The following SRRM1 variants were observed in gnomAD, a reference collection of about 807,000 sequenced individuals.
SRRM1 encodes serine/arginine repetitive matrix protein 1.
SRRM1 carries 19 observed loss-of-function variants against 110.2 expected under a neutral mutation model. That is an observed-to-expected ratio of 0.17 (90% confidence interval 0.12 to 0.25). The LOEUF (loss-of-function observed/expected upper bound fraction) is 0.25. SRRM1 is among the 10% of genes least tolerant of loss of function. The probability of loss-of-function intolerance (pLI) is 1.00; values close to 1 mark genes in which losing one functional copy is unlikely to be tolerated. For synonymous variants in SRRM1, 443 were observed against 414.9 expected, an observed-to-expected ratio of 1.07 and a Z score of -0.82; for missense variants, 918 against 1,145.8, an observed-to-expected ratio of 0.80 and a Z score of 2.87.
intron 8 of SRRM1, chr1:24,654,204 G>A (rs963415910): frequency 7.4e-5 from 66 of 895,104 alleles, no homozygotes; most frequent in Non-Finnish European, 9.8e-5. Flanking sequence ...TGTTTAAATT[G>A]TGCTTACTCA....
intron 8 of SRRM1, among the ~76,000 whole-genome samples, chr1:24,654,588 C>T (rs1014848809): frequency 2.6e-5 from 4 of 152,170 alleles, no homozygotes; most frequent in African/African-American, 7.2e-5. Context: ...TTTATTATAG[C>T]ATTCAACCTG....
chr1:24,646,099 G>A lies in SRRM1; in HGVS notation c.111+26G>A, dbSNP rs757249224. 9.1e-6 allele frequency: 14 copies of A among 1,546,388 alleles called. No homozygotes were observed. The Admixed American group carries it at 2.2e-4, about 24-fold the overall frequency. ...GTATTCTTCTGGATGAGACTGTTGT[G>A]CATCTTTATAGCACACTTACTTGAC... On this transcript the variant is annotated intron_variant, in intron 2 of 16. Coordinates refer to ENST00000323848, the MANE Select transcript of SRRM1 (RefSeq NM_005839.4).
rs541850227 is a variant in SRRM1, at chr1:24,669,142, C to T, written c.1759C>T (p.Arg587Cys). Residue 587 changes from arginine (R) to cysteine (C), a missense_variant, in exon 14 of 17, where the codon CGT becomes TGT. Arg to Cys is a radical substitution (Grantham distance 180). This residue lies in a region of SRRM1 where 357 missense variants were observed against 402.9 expected (regional missense o/e 0.89). Transcript: ENST00000323848. ...PRRRTPSPPP[R>C]RRSPSPRRYS... ...TCCTAGGACTCCTTCTCCTCCCCCA[C>T]GTCGGCGCTCACCTTCTCCTAGAAG... The T allele has an allele frequency of 6.8e-6, 11 of 1,609,272 alleles. No individual in the cohort carries two copies. The highest frequency in any genetic ancestry group is 4.4e-5 in the South Asian group (4 of 91,000).
chr1:24,663,322 G>T, intron 12 of SRRM1: 1 of 902,676 alleles, frequency 1.1e-6, no homozygotes, highest in Non-Finnish European at 1.6e-6. Flanking sequence ...TTAAATATAT[G>T]GTGGCTGTGG....
At chr1:24,662,906 T>C (rs953804616) in intron 12 of SRRM1, 102 bp downstream of exon 12, 1 of 1,454,516 alleles carries the variant, frequency 6.9e-7, no homozygotes, top group African/African-American at 1.4e-5. Flanking sequence ...TTCAAGTATT[T>C]GGATGTGGTT....
Position 24,671,602 on chromosome 1 carries a change from A to G in SRRM1, c.2610+7A>G, listed in dbSNP as rs1212705998. 6.3e-7 allele frequency: 1 copy of G among 1,584,640 alleles called. No individual in the cohort carries two copies. Among genetic ancestry groups the G allele is most frequent in the African/African-American group, 1.4e-5 (1 of 72,908 alleles). Reference sequence around the variant, plus strand: ...AGCGCCAGAGCCGAAGAAGGTATTTATGAACTCTGTATATGGCTGTCTTGC... The same window carrying G: ...AGCGCCAGAGCCGAAGAAGGTATTTGTGAACTCTGTATATGGCTGTCTTGC... On this transcript the variant is annotated splice_region_variant and intron_variant, in intron 16 of 16. Coordinates refer to ENST00000323848, the MANE Select transcript of SRRM1 (RefSeq NM_005839.4).
chr1:24,657,519 A>G (rs1217542005), intron 9 of SRRM1, among the ~76,000 whole-genome samples: 2 of 152,198 alleles, frequency 1.3e-5, no homozygotes, highest in Non-Finnish European at 2.9e-5. Flanking sequence ...TAGAACAGTA[A>G]CATCATTGAA....
At position 24,669,305 on chromosome 1, in the gene SRRM1, C is replaced by T; in HGVS notation, c.1922C>T (p.Pro641Leu). 10 of 1,614,166 alleles carry T rather than the reference C, an allele frequency of 6.2e-6. No homozygotes were observed. The highest frequency in any genetic ancestry group is 8.5e-6 in the Non-Finnish European group (10 of 1,180,040). Residue 641 changes from proline to leucine, a missense_variant, in exon 14 of 17, where the codon CCC becomes CTC. By Grantham distance (98) the Pro-to-Leu change is moderately conservative (BLOSUM62 -3). Transcript: ENST00000323848. ...PKRRVSHSPP[P>L]KQRSSPVTKR... ...CGGCGGGTCTCCCATTCTCCACCTCCCAAACAAAGAAGCTCCCCAGTCACC... is the reference window on the plus strand; with the variant it reads ...CGGCGGGTCTCCCATTCTCCACCTCTCAAACAAAGAAGCTCCCCAGTCACC...
chr1:24,654,925 C>G lies in SRRM1; in HGVS notation c.1111C>G (p.Pro371Ala). The G allele has an allele frequency of 1.2e-6, 2 of 1,614,194 alleles. No homozygotes were observed. Among genetic ancestry groups the G allele is most frequent in the Non-Finnish European group, 8.5e-7 (1 of 1,180,036 alleles). Residue 371 changes from proline to alanine, a missense_variant, in exon 9 of 17, where the codon CCA (proline) becomes GCA (alanine). By Grantham distance (27) the Pro-to-Ala change is conservative. This residue lies in a region of SRRM1 where 456 missense variants were observed against 453.5 expected (regional missense o/e 1.01). Transcript: ENST00000323848. ...SSSSSRSRSP[P>A]KKPPKRTSSP... ...CTCTTCATCTCGTTCACGGTCACCA[C>G]CAAAGAAGCCTCCCAAGAGGACATC...
Position 24,660,800 on chromosome 1 carries a change from G to C in SRRM1, c.1396+1G>C. The C allele has an allele frequency of 6.3e-7, 1 of 1,578,560 alleles. No individual in the cohort carries two copies. The highest frequency in any genetic ancestry group is 2.3e-5 in the East Asian group (1 of 44,334). On this transcript the variant is annotated splice_donor_variant, in intron 10 of 16. Transcript: ENST00000323848. LOFTEE classifies it high-confidence loss of function. Reference sequence around the variant, plus strand: ...AGAAAAGTAGAGTTATCTGAATCGGGTAAGTTTGTTGTTTTTTTTTGTGAT... The same window carrying C: ...AGAAAAGTAGAGTTATCTGAATCGGCTAAGTTTGTTGTTTTTTTTTGTGAT...
chr1:24,652,682 C>A, intron 7 of SRRM1, 54 bp downstream of exon 7: 1 of 1,467,712 alleles, frequency 6.8e-7, no homozygotes, highest in Non-Finnish European at 9.2e-7. Flanking sequence ...TACTACTCTA[C>A]TGGGTACAAT....
Position 24,655,094 on chromosome 1 carries a change from G to A in SRRM1, c.1280G>A (p.Arg427His), listed in dbSNP as rs145750269. 2.9e-3 allele frequency: 4,710 copies of A among 1,614,080 alleles called. 13 individuals are homozygous for A. Among genetic ancestry groups the A allele is most frequent in the Non-Finnish European group, 3.1e-3 (3,699 of 1,180,026 alleles). ...CAGTCAAACCGTACAAGAAAAAGTC[G>A]TGTTTCTGTGTCTCCAGGGAGAACT... ...PQQSNRTRKSRVSVSPGRTSG... is the reference protein window; with the variant it reads ...PQQSNRTRKSHVSVSPGRTSG... Residue 427 changes from arginine to histidine, a missense_variant, in exon 9 of 17, where the codon CGT (arginine) becomes CAT (histidine). Coordinates refer to ENST00000323848, the MANE Select transcript of SRRM1 (RefSeq NM_005839.4).
rs1327625607 is a variant in SRRM1 at position 24,655,106 on chromosome 1, C to T, written c.1292C>T (p.Ser431Phe). ...ACAAGAAAAAGTCGTGTTTCTGTGT[C>T]TCCAGGGAGAACTTCAGGTAAAGGT... ...NRTRKSRVSV[S>F]PGRTSGKVTK... is the part of the protein sequence containing the mutation. The change falls in exon 9 of 17, where the codon TCT (serine) becomes TTT (phenylalanine). Residue 431 changes from serine to phenylalanine, a missense_variant. Ser to Phe is a radical substitution (Grantham distance 155, BLOSUM62 -2). Coordinates refer to ENST00000323848, the MANE Select transcript of SRRM1 (RefSeq NM_005839.4). 6.2e-7 allele frequency: 1 copy of T among 1,614,060 alleles called. No homozygotes were observed. The highest frequency in any genetic ancestry group is 1.1e-5 in the South Asian group (1 of 91,086).
chr1:24,643,658 C>G (rs2148082610), intron 1 of SRRM1: 1 of 370,044 alleles, frequency 2.7e-6, no homozygotes, highest in South Asian at 9.0e-5. Context: ...GAGCGCCGTG[C>G]GTGCCGCCGG....
In SRRM1 at chr1:24,652,417, A is replaced by T. The variant is rs1321034425; in HGVS notation, c.726-17A>T. ...ACAAGAAGGCAAAAAAAAAAAAAAA[A>T]GCTTTTGTTTCCACAGTGACATTCT... On this transcript the variant is annotated splice_polypyrimidine_tract_variant and intron_variant, in intron 6 of 16. Transcript: ENST00000323848. The T allele has an allele frequency of 1.4e-6, 2 of 1,478,014 alleles. No individual in the cohort carries two copies. Among genetic ancestry groups the T allele is most frequent in the African/African-American group, 1.4e-5 (1 of 69,230 alleles). 91.6% of individuals were successfully genotyped at this position (1,478,014 alleles called of 1,614,324 possible).
At chr1:24,650,184 A>G in intron 5 of SRRM1, 98 bp downstream of exon 5, 1 of 1,202,894 alleles carries the variant, frequency 8.3e-7, no homozygotes, top group Non-Finnish European at 1.1e-6. Context: ...TATTCAAGGA[A>G]TTTGTTCCAT....
intron 3 of SRRM1, 176 bp from the exon 4 acceptor site, chr1:24,648,683 T>C (rs1658845757): frequency 1.8e-6 from 1 of 548,686 alleles, no homozygotes; most frequent in Non-Finnish European, 3.2e-6. Context: ...TTAGAGATTA[T>C]ATTGCTGAGA....
intron 2 of SRRM1, 110 bp from the exon 3 acceptor site, chr1:24,646,557 T>C: frequency 2.2e-6 from 2 of 929,720 alleles, no homozygotes; most frequent in Non-Finnish European, 3.2e-6. Flanking sequence ...GATTCTACTA[T>C]GCCAAACAAA....
intron 2 of SRRM1, 70 bp from the exon 3 acceptor site, chr1:24,646,597 C>G: frequency 7.4e-7 from 1 of 1,358,160 alleles, no homozygotes; most frequent in South Asian, 1.5e-5. Flanking sequence ...CTTTGGTAGA[C>G]AGAACTCTAA....
Sources: allele counts gnomAD v4.1 joint callset (sites outside exome capture counted in the v4.1 genomes callset), GRCh38; gene constraint gnomAD v4.1.1; regional missense constraint gnomAD v4.1.1; transcripts MANE v1.5; gene names NCBI Gene and HGNC (gene_info 2026-07-23, HGNC 2026-07-21).